The following RIPOR2 variants were observed in gnomAD, a reference collection of about 807,000 sequenced individuals.
The protein encoded by RIPOR2 is rho family-interacting cell polarization regulator 2.
RIPOR2 carries 39 observed loss-of-function variants against 114.5 expected under a neutral mutation model. The observed-to-expected ratio is 0.34, with a 90% confidence interval of 0.26 to 0.44. The LOEUF is 0.44. RIPOR2 is among the 20% of genes least tolerant of loss of function. RIPOR2 has a pLI of 1.00. For missense variants in RIPOR2, 1,007 were observed against 1,255.1 expected, an observed-to-expected ratio of 0.80 and a Z score of 2.99; for synonymous variants, 445 against 484.4, an observed-to-expected ratio of 0.92 and a Z score of 1.07.
chr6:24,965,658 T>C (rs1000305467), intron 1 of RIPOR2, among the ~76,000 whole-genome samples: 2 of 152,210 alleles, frequency 1.3e-5, no homozygotes, highest in Non-Finnish European at 2.9e-5. Context: ...CTACACATAG[T>C]TTCTTTTACA....
intron 1 of RIPOR2, among the ~76,000 whole-genome samples, chr6:24,951,536 A>G (rs1320756702): frequency 6.6e-6 from 1 of 152,228 alleles, no homozygotes; most frequent in East Asian, 1.9e-4. Context: ...TGCTTATAAC[A>G]ATAAATGTTT....
chr6:24,954,260 C>T lies in RIPOR2; in HGVS notation c.77-78443G>A, dbSNP rs189637101. Reference sequence around the variant, plus strand: ...TATTCCTGAATATTTTCTCTTATCGCTAGTCAGTGTCTTCAGATACAAACA... The same window carrying T: ...TATTCCTGAATATTTTCTCTTATCGTTAGTCAGTGTCTTCAGATACAAACA... On this transcript the variant is annotated intron_variant, in intron 1 of 13. Coordinates refer to the RIPOR2 transcript ENST00000510784. 3.9e-5 allele frequency among the ~76,000 whole-genome samples: 6 copies of T among 152,220 alleles called. No individual in the cohort carries two copies. The East Asian group carries it at 1.2e-3, about 29-fold the overall frequency.
At position 24,852,047 on chromosome 6, in the gene RIPOR2, G is replaced by C. The variant is rs191105027; in HGVS notation, c.759+528C>G. ...GGTGGGCGGGGGGGAATCACTTGAGGTCAGGAGTTCAAGACCAGCCTGGCC... is the reference window on the plus strand; with the variant it reads ...GGTGGGCGGGGGGGAATCACTTGAGCTCAGGAGTTCAAGACCAGCCTGGCC... On this transcript the variant is annotated intron_variant, in intron 9 of 21. Transcript: ENST00000643898. Among the ~76,000 whole-genome samples, 1,110 of 152,046 alleles carry C rather than the reference G, an allele frequency of 7.3e-3. 13 individuals are homozygous for C. Among genetic ancestry groups the C allele is most frequent in the African/African-American group, 0.024 (1,011 of 41,446 alleles).
chr6:24,970,331 C>T (rs1193398534), intron 1 of RIPOR2, among the ~76,000 whole-genome samples: 1 of 152,102 alleles, frequency 6.6e-6, no homozygotes, highest in Admixed American at 6.6e-5. Context: ...GTGAGGTGAG[C>T]GGAGGCAGTA....
intron 1 of RIPOR2, among the ~76,000 whole-genome samples, chr6:25,031,699 T>TTATATATA (rs58886088): frequency 1.4e-4 from 5 of 35,470 alleles, no homozygotes; most frequent in East Asian, 9.7e-4. Flanking sequence ...TAGGTGGTAG[T>TTATATATA]TATATATATA....
rs1761908417 is a variant in RIPOR2 at position 24,843,236 on chromosome 6, A to G, written c.1483T>C (p.Ser495Pro). ...GAGGACTGTCGGCGGCAAGCCTCAG[A>G]TGGGGCCGAGGCAGGTTTTCTGGGC... The part of the protein sequence containing the change: ...EEPRKPASAP[S>P]EACRRQSSGA... Residue 495 changes from serine to proline, a missense_variant, in exon 13 of 22, where the codon TCT (serine) becomes CCT (proline). By Grantham distance (74) the Ser-to-Pro change is moderately conservative. Transcript: ENST00000643898. 2.5e-6 allele frequency: 4 copies of G among 1,613,970 alleles called. No individual in the cohort carries two copies. Among genetic ancestry groups the G allele is most frequent in the Non-Finnish European group, 3.4e-6 (4 of 1,179,866 alleles).
intron 1 of RIPOR2, among the ~76,000 whole-genome samples, chr6:24,876,708 A>G (rs1765797341): frequency 6.6e-6 from 1 of 152,214 alleles, no homozygotes; most frequent in African/African-American, 2.4e-5. Context: ...GTGATAATCT[A>G]GGTTAGATAA....
chr6:24,811,657 C>CTTTT (rs1222503239), intron 20 of RIPOR2, among the ~76,000 whole-genome samples: 12 of 21,736 alleles, frequency 5.5e-4, no homozygotes, highest in Non-Finnish European at 5.6e-4. Context: ...TCGTTTAGTA[C>CTTTT]TTTTTTTTTT....
chr6:24,973,475 G>A lies in RIPOR2; in HGVS notation c.76+68376C>T, dbSNP rs533913441. On this transcript the variant is annotated intron_variant, in intron 1 of 13. Transcript: ENST00000510784. ...AAAAAAATTAGATGGGTGTGGTGGC[G>A]TGCGTCTGCTACTTGGGAGGCTGAG... 9.9e-5 allele frequency among the ~76,000 whole-genome samples: 15 copies of A among 151,766 alleles called. No homozygotes were observed. The South Asian group carries it at 1.0e-3, about 11-fold the overall frequency.
At chr6:25,029,411 G>GAAAAAAAAAAAAAA (rs71544610) in intron 1 of RIPOR2, among the ~76,000 whole-genome samples, 1 of 90,588 alleles carries the variant, frequency 1.1e-5, no homozygotes, top group Non-Finnish European at 2.0e-5. Context: ...TCTCAAAAAA[G>GAAAAAAAAAAAAAA]AAAAAAAAAA....
intron 1 of RIPOR2, among the ~76,000 whole-genome samples, chr6:25,003,427 A>C (rs1263807564): frequency 6.9e-6 from 1 of 145,072 alleles, no homozygotes; most frequent in East Asian, 2.0e-4. Context: ...TATTATTATC[A>C]TCTCCTTTTT....
chr6:25,001,364 C>T (rs1431517726), intron 1 of RIPOR2, among the ~76,000 whole-genome samples: 3 of 152,066 alleles, frequency 2.0e-5, no homozygotes, highest in Non-Finnish European at 4.4e-5. Flanking sequence ...GTGGCTCACG[C>T]GTGTAATCCC....
chr6:25,040,750 G>A (rs1482869320), intron 1 of RIPOR2, among the ~76,000 whole-genome samples: 5 of 151,864 alleles, frequency 3.3e-5, no homozygotes, highest in African/African-American at 1.2e-4. Context: ...CCACCACCAC[G>A]CCCGGCTAAT....
chr6:24,885,776 T>G (rs1210828985), intron 1 of RIPOR2, among the ~76,000 whole-genome samples: 2 of 152,214 alleles, frequency 1.3e-5, no homozygotes, highest in Non-Finnish European at 2.9e-5. Flanking sequence ...AGGTGTTTAA[T>G]AAGCCTAGCT....
intron 1 of RIPOR2, among the ~76,000 whole-genome samples, chr6:25,030,015 C>T (rs149175106): frequency 1.1e-4 from 17 of 152,126 alleles, no homozygotes; most frequent in African/African-American, 3.9e-4. Context: ...TAGTGGGACT[C>T]GTGGTTCCTC....
chr6:24,869,014 G>T, intron 6 of RIPOR2, 80 bp downstream of exon 6: 1 of 759,030 alleles, frequency 1.3e-6, no homozygotes, highest in Non-Finnish European at 2.2e-6. Flanking sequence ...CCACGCACTA[G>T]ATACTACGCT....
At chr6:25,016,866 C>A (rs954180286) in intron 1 of RIPOR2, among the ~76,000 whole-genome samples, 3 of 152,164 alleles carry the variant, frequency 2.0e-5, no homozygotes, top group East Asian at 3.8e-4. Flanking sequence ...GGAGAAAGAT[C>A]CTCTCATTGT....
At position 24,951,158 on chromosome 6, in the gene RIPOR2, G is replaced by T. The variant is rs186096396; in HGVS notation, c.77-75341C>A. Among the ~76,000 whole-genome samples, 3 of 152,264 alleles carry T rather than the reference G, an allele frequency of 2.0e-5. No homozygotes were observed. The East Asian group carries it at 5.8e-4, about 29-fold the overall frequency. On this transcript the variant is annotated intron_variant, in intron 1 of 13. Transcript: ENST00000510784. ...AATGACACCTGAGAGAGTAGTGGGT[G>T]GTCACCAGGTCACAGGTGTCAGGGT...
chr6:24,987,279 G>A (rs1004993488), intron 1 of RIPOR2, among the ~76,000 whole-genome samples: 1 of 152,188 alleles, frequency 6.6e-6, no homozygotes, highest in African/African-American at 2.4e-5. Flanking sequence ...CCCCTTACCA[G>A]CTATGTGACT....
Sources: gnomAD v4.1 joint callset for allele counts (sites outside exome capture counted in the v4.1 genomes callset) on GRCh38, gnomAD v4.1.1 for gene constraint, MANE v1.5 for transcripts, NCBI Gene and HGNC (gene_info 2026-07-23, HGNC 2026-07-21) for gene names.